MICU1: variants seen among roughly 807,000 people sequenced by gnomAD.
MICU1 encodes the protein mitochondrial calcium uptake 1.
A neutral mutation model predicts 56.8 loss-of-function variants in MICU1; 45 were observed. The ratio of observed to expected loss-of-function variants is 0.79; its 90% confidence interval spans 0.62 to 1.02. MICU1 has a LOEUF of 1.02. MICU1 is among the 50% of genes least tolerant of loss of function. The pLI is 0.00. For missense variants in MICU1, 504 were observed against 587.1 expected, an observed-to-expected ratio of 0.86 and a Z score of 1.46; for synonymous variants, 186 against 195.1, an observed-to-expected ratio of 0.95 and a Z score of 0.39.
Position 72,488,814 on chromosome 10 carries a change from T to C in MICU1, c.653-11558A>G, listed in dbSNP as rs187108936. Among the ~76,000 whole-genome samples, 22 of 152,314 alleles carry C rather than the reference T, an allele frequency of 1.4e-4. 1 individual carries two copies. The South Asian group carries it at 2.5e-3, about 17-fold the overall frequency. Reference sequence around the variant, plus strand: ...CAAGATCAAGGTAAGTCTGGAGTTATTGAGAAAGTATGGAGGAATTAGGAT... The same window carrying C: ...CAAGATCAAGGTAAGTCTGGAGTTACTGAGAAAGTATGGAGGAATTAGGAT... On this transcript the variant is annotated intron_variant, in intron 6 of 11. Transcript: ENST00000361114.
At chr10:72,380,157 A>T (rs1862654096) in intron 10 of MICU1, among the ~76,000 whole-genome samples, 1 of 152,188 alleles carries the variant, frequency 6.6e-6, no homozygotes, top group African/African-American at 2.4e-5. Context: ...AGTTGTTGGT[A>T]CTGGAATTCT....
chr10:72,551,372 T>C, intron 3 of MICU1, 31 bp from the exon 4 acceptor site: 1 of 1,528,456 alleles, frequency 6.5e-7, no homozygotes. Flanking sequence ...AGTGTTACTA[T>C]ATTAAGCAAT....
chr10:72,403,672 T>C (rs1234879949), intron 10 of MICU1, among the ~76,000 whole-genome samples: 1 of 149,556 alleles, frequency 6.7e-6, no homozygotes, highest in East Asian at 2.0e-4. Context: ...TGTGTGTGTT[T>C]TGAGACGGAG....
At chr10:72,569,513 G>A (rs1447958717) in intron 1 of MICU1, among the ~76,000 whole-genome samples, 5 of 151,718 alleles carry the variant, frequency 3.3e-5, no homozygotes, top group African/African-American at 1.2e-4. Flanking sequence ...GAGATTACAG[G>A]CGTGAGCCAC....
intron 3 of MICU1, among the ~76,000 whole-genome samples, chr10:72,557,743 T>C (rs948653978): frequency 6.6e-5 from 10 of 152,184 alleles, no homozygotes; most frequent in African/African-American, 2.2e-4. Context: ...CACAAATATA[T>C]ATATACATAC....
At chr10:72,551,750 A>G (rs1266928660) in intron 3 of MICU1, among the ~76,000 whole-genome samples, 1 of 151,904 alleles carries the variant, frequency 6.6e-6, no homozygotes, top group Non-Finnish European at 1.5e-5. Context: ...CTTTTTTTCT[A>G]TTTTTTACAA....
chr10:72,423,156 T>C, intron 9 of MICU1, 78 bp downstream of exon 9: 1 of 1,517,848 alleles, frequency 6.6e-7, no homozygotes, highest in Non-Finnish European at 8.9e-7. Context: ...ACTCTCATCA[T>C]TATGTTAATA....
intron 4 of MICU1, among the ~76,000 whole-genome samples, chr10:72,545,363 A>G (rs1839870684): frequency 6.6e-6 from 1 of 152,240 alleles, no homozygotes; most frequent in Admixed American, 6.5e-5. Context: ...TCCAGAGAAT[A>G]TATACCAAAG....
In MICU1 at chr10:72,615,228, G is replaced by C. The variant is rs565692296; in HGVS notation, c.-2+10782C>G. On this transcript the variant is annotated intron_variant, in intron 1 of 11. Coordinates refer to ENST00000361114, the MANE Select transcript of MICU1 (RefSeq NM_001195518.2). Reference sequence around the variant, plus strand: ...TGCCTCCTGGGCTCAAGTGATACTTGTGCCTCAGCCTCCCCAGTAATTGGA... The same window carrying C: ...TGCCTCCTGGGCTCAAGTGATACTTCTGCCTCAGCCTCCCCAGTAATTGGA... Among the ~76,000 whole-genome samples the C allele has an allele frequency of 7.2e-5, 11 of 152,150 alleles. 1 individual carries two copies. The South Asian group carries it at 2.3e-3, about 32-fold the overall frequency.
At chr10:72,475,840 G>A (rs1866101954) in intron 7 of MICU1, 1 of 456,500 alleles carries the variant, frequency 2.2e-6, no homozygotes, top group African/African-American at 2.0e-5. Flanking sequence ...CAGAATTAGG[G>A]TTCTAACACA....
chr10:72,462,125 G>A (rs762020880), intron 8 of MICU1, among the ~76,000 whole-genome samples: 7 of 152,000 alleles, frequency 4.6e-5, no homozygotes, highest in Middle Eastern at 3.4e-3. Context: ...ATGAAACAAC[G>A]TACAGACAGC....
At chr10:72,376,559 C>A (rs1786019252) in intron 10 of MICU1, among the ~76,000 whole-genome samples, 1 of 152,084 alleles carries the variant, frequency 6.6e-6, no homozygotes, top group Non-Finnish European at 1.5e-5. Context: ...TAGCTTGAGC[C>A]CAGGAGGCAG....
At chr10:72,422,064 C>T (rs982735341) in intron 9 of MICU1, among the ~76,000 whole-genome samples, 2 of 152,148 alleles carry the variant, frequency 1.3e-5, no homozygotes, top group African/African-American at 4.8e-5. Flanking sequence ...TATGTTGAAG[C>T]CCTCCCTAAC....
At chr10:72,480,299 G>C (rs1399691383) in intron 6 of MICU1, among the ~76,000 whole-genome samples, 1 of 152,236 alleles carries the variant, frequency 6.6e-6, no homozygotes, top group African/African-American at 2.4e-5. Flanking sequence ...TGAAGAAAGA[G>C]AGCAAATAGA....
At chr10:72,585,366 C>T (rs984820369) in intron 1 of MICU1, among the ~76,000 whole-genome samples, 2 of 152,094 alleles carry the variant, frequency 1.3e-5, no homozygotes, top group African/African-American at 4.8e-5. Context: ...CTTGTAGCAA[C>T]ATCAGCAGTG....
intron 2 of MICU1, among the ~76,000 whole-genome samples, chr10:72,565,276 T>A (rs913913349): frequency 1.3e-4 from 20 of 152,152 alleles, no homozygotes; most frequent in Non-Finnish European, 2.5e-4. Flanking sequence ...TAAGAAAATG[T>A]GGCACATATA....
intron 1 of MICU1, among the ~76,000 whole-genome samples, chr10:72,625,321 T>C (rs980563146): frequency 2.0e-5 from 3 of 152,158 alleles, no homozygotes; most frequent in Non-Finnish European, 4.4e-5. Context: ...AAAGAAACCA[T>C]CAACCATAAG....
At chr10:72,586,477 C>T (rs1309076986) in intron 1 of MICU1, among the ~76,000 whole-genome samples, 1 of 151,856 alleles carries the variant, frequency 6.6e-6, no homozygotes, top group East Asian at 2.0e-4. Context: ...ATGGTGAAAC[C>T]CCATCTCTAC....
intron 1 of MICU1, among the ~76,000 whole-genome samples, chr10:72,624,489 T>TA (rs778997369): frequency 2.6e-5 from 4 of 152,218 alleles, no homozygotes; most frequent in Non-Finnish European, 5.9e-5. Flanking sequence ...GTTTTATTCT[T>TA]AAACACAGGA....
Sources: allele counts gnomAD v4.1 joint callset (sites outside exome capture counted in the v4.1 genomes callset), GRCh38; gene constraint gnomAD v4.1.1; transcripts MANE v1.5; gene names NCBI Gene and HGNC (gene_info 2026-07-23, HGNC 2026-07-21).